CDIN1: variants seen among roughly 807,000 people sequenced by gnomAD.
CDIN1 encodes the protein CDAN1 interacting nuclease 1.
In CDIN1, 33 loss-of-function variants were observed where a neutral mutation model predicts 45.3. The observed-to-expected ratio is 0.73, with a 90% CI of 0.55 to 0.97. CDIN1 has a LOEUF of 0.97. Among genes scored for constraint, CDIN1 ranks in the 50% least tolerant of loss-of-function variants. The probability of loss-of-function intolerance (pLI) is 0.00; values close to 1 mark genes in which losing one functional copy is unlikely to be tolerated. For synonymous variants in CDIN1, 118 were observed against 124.4 expected (o/e 0.95, Z 0.34); for missense variants, 303 against 339.4 (o/e 0.89, Z 0.84).
intron 10 of CDIN1, among the ~76,000 whole-genome samples, chr15:36,758,711 A>C (rs941370585): frequency 6.6e-6 from 1 of 152,126 alleles, no homozygotes; most frequent in South Asian, 2.1e-4. Flanking sequence ...CTATCTTTTT[A>C]ATGTTGTCTG....
rs948404388 is a variant in CDIN1, at chr15:36,808,881, T to C, written c.*428T>C. The C allele has an allele frequency of 4.4e-6, 2 of 456,496 alleles. No homozygotes were observed. The highest frequency in any genetic ancestry group is 8.8e-6 in the Non-Finnish European group (2 of 226,912). The allele number at this position is 456,496 out of a possible 1,614,324, so 28.3% of individuals were successfully genotyped here. On this transcript the variant is annotated 3_prime_UTR_variant, in exon 11 of 11. Coordinates refer to ENST00000566621, the MANE Select transcript of CDIN1 (RefSeq NM_001321759.2). ...TCCGTTCACTGTCTCTCCCTCTCCC[T>C]TTCTCTTCATGTGCACTCACAGAGA...
At chr15:36,751,737 G>A (rs2053476700) in intron 10 of CDIN1, among the ~76,000 whole-genome samples, 1 of 151,846 alleles carries the variant, frequency 6.6e-6, no homozygotes, top group African/African-American at 2.4e-5. Context: ...GCAAAGACGT[G>A]GAATCAACCC....
chr15:36,713,865 C>T (rs1595508018), intron 10 of CDIN1, among the ~76,000 whole-genome samples: 2 of 152,150 alleles, frequency 1.3e-5, no homozygotes, highest in Non-Finnish European at 1.5e-5. Flanking sequence ...CTAATAATTT[C>T]GTAACATCTA....
At chr15:36,693,650 G>A (rs1199403926) in intron 7 of CDIN1, among the ~76,000 whole-genome samples, 2 of 152,126 alleles carry the variant, frequency 1.3e-5, no homozygotes, top group Non-Finnish European at 2.9e-5. Flanking sequence ...ACGGACTAAA[G>A]TATGAAGTCA....
At chr15:36,737,098 G>C (rs1297919552) in intron 10 of CDIN1, among the ~76,000 whole-genome samples, 4 of 150,958 alleles carry the variant, frequency 2.6e-5, no homozygotes, top group Non-Finnish European at 4.4e-5. Context: ...AACCCAGGAG[G>C]CAGAGGTTGC....
intron 1 of CDIN1, among the ~76,000 whole-genome samples, chr15:36,587,367 C>T (rs1043739785): frequency 1.4e-5 from 2 of 142,732 alleles, no homozygotes; most frequent in African/African-American, 5.2e-5. Flanking sequence ...GTGCTTAAAC[C>T]AATGTACTTA....
At chr15:36,627,195 C>A (rs759640094) in intron 1 of CDIN1, 147 of 192,516 alleles carry the variant, frequency 7.6e-4, no homozygotes, top group Non-Finnish European at 1.4e-3. Flanking sequence ...AGGCAGTTGC[C>A]ATAGCTGCTG....
At chr15:36,697,648 G>T (rs2042482035) in intron 8 of CDIN1, among the ~76,000 whole-genome samples, 1 of 152,062 alleles carries the variant, frequency 6.6e-6, no homozygotes. Context: ...TACTTTTGGT[G>T]TCATGAGATA....
intron 10 of CDIN1, among the ~76,000 whole-genome samples, chr15:36,742,117 G>A (rs1402572586): frequency 6.6e-6 from 1 of 152,088 alleles, no homozygotes; most frequent in African/African-American, 2.4e-5. Flanking sequence ...GGAACCAAAT[G>A]TCCAAGTGTC....
intron 1 of CDIN1, among the ~76,000 whole-genome samples, chr15:36,637,155 C>CT (rs34763432): frequency 0.51 from 77,769 of 151,934 alleles, 20,191 homozygotes; most frequent in Admixed American, 0.59. Flanking sequence ...ATTTAACCTC[C>CT]CAGAGGCACC....
At chr15:36,614,118 A>G in intron 1 of CDIN1, 1 of 769,908 alleles carries the variant, frequency 1.3e-6, no homozygotes, top group South Asian at 1.3e-5. Context: ...ATGACTTGGA[A>G]GATAAACTGA....
chr15:36,618,147 C>T (rs1380849438), intron 1 of CDIN1: 28 of 710,278 alleles, frequency 3.9e-5, no homozygotes, highest in Admixed American at 1.2e-4. Context: ...ATTAATTCAC[C>T]AGGATCTTAT....
At chr15:36,716,255 T>A (rs919602098) in intron 10 of CDIN1, among the ~76,000 whole-genome samples, 2 of 152,122 alleles carry the variant, frequency 1.3e-5, no homozygotes, top group South Asian at 4.1e-4. Context: ...TGACTTCGTG[T>A]TGACACCCAC....
intron 10 of CDIN1, among the ~76,000 whole-genome samples, chr15:36,777,337 T>C (rs1423477339): frequency 2.6e-5 from 4 of 152,056 alleles, no homozygotes. Context: ...CCAAACTCAC[T>C]TGCTCATTTC....
At chr15:36,726,328 C>T (rs560124713) in intron 10 of CDIN1, among the ~76,000 whole-genome samples, 8 of 152,202 alleles carry the variant, frequency 5.3e-5, no homozygotes, top group Non-Finnish European at 1.0e-4. Flanking sequence ...TCTACATTAC[C>T]ACTCGGCTTC....
At chr15:36,598,109 C>T (rs1011989697) in intron 1 of CDIN1, among the ~76,000 whole-genome samples, 1 of 152,062 alleles carries the variant, frequency 6.6e-6, no homozygotes, top group African/African-American at 2.4e-5. Context: ...TTACACCTCA[C>T]GCTCCCAAGT....
chr15:36,715,484 A>G lies in CDIN1; in HGVS notation c.716+5523A>G, dbSNP rs567222193. 9.8e-5 allele frequency among the ~76,000 whole-genome samples: 15 copies of G among 152,296 alleles called. No individual in the cohort carries two copies. In the East Asian group the frequency reaches 2.7e-3, roughly 28 times the overall value. ...TTAAGATACTTTCAGGAACCCTGCAATTAGCCAAATCACAGATTTCCAGTT... is the reference window on the plus strand; with the variant it reads ...TTAAGATACTTTCAGGAACCCTGCAGTTAGCCAAATCACAGATTTCCAGTT... On this transcript the variant is annotated intron_variant, in intron 10 of 10. Coordinates refer to ENST00000566621, the MANE Select transcript of CDIN1 (RefSeq NM_001321759.2).
intron 5 of CDIN1, among the ~76,000 whole-genome samples, chr15:36,686,562 T>TAA (rs1259228473): frequency 2.1e-5 from 2 of 94,602 alleles, no homozygotes; most frequent in Non-Finnish European, 4.5e-5. Context: ...AGTATAATAA[T>TAA]AAAAAAAAAA....
At chr15:36,702,096 A>G in intron 8 of CDIN1, 1 of 702,272 alleles carries the variant, frequency 1.4e-6, no homozygotes, top group Non-Finnish European at 2.6e-6. Context: ...GGCAGAGAGT[A>G]AGAGACCAGA....
Sources: gnomAD v4.1 joint callset for allele counts (sites outside exome capture counted in the v4.1 genomes callset) on GRCh38, gnomAD v4.1.1 for gene constraint, MANE v1.5 for transcripts, NCBI Gene and HGNC (gene_info 2026-07-23, HGNC 2026-07-21) for gene names.